NAALADL2: variants seen among roughly 807,000 people sequenced by gnomAD.
NAALADL2 encodes the protein N-acetylated alpha-linked acidic dipeptidase like 2.
Under a neutral mutation model 87.2 loss-of-function variants are expected in NAALADL2, and 76 were observed. The ratio of observed to expected loss-of-function variants is 0.87; its 90% CI spans 0.72 to 1.05. The LOEUF (loss-of-function observed/expected upper bound fraction) is 1.05. Among genes scored for constraint, NAALADL2 ranks in the 50% least tolerant of loss-of-function variants. The probability of loss-of-function intolerance (pLI) is 0.00; values close to 1 mark genes in which losing one functional copy is unlikely to be tolerated. For missense variants in NAALADL2, 1,089 were observed against 945.8 expected (o/e 1.15, Z -1.99); for synonymous variants, 354 against 331.0 (o/e 1.07, Z -0.75).
At chr3:175,609,218 T>C (rs1302239828) in intron 10 of NAALADL2, among the ~76,000 whole-genome samples, 1 of 151,542 alleles carries the variant, frequency 6.6e-6, no homozygotes, top group South Asian at 2.1e-4. Context: ...AGACAGCCAG[T>C]AGGAAAAAAA....
intron 4 of NAALADL2, among the ~76,000 whole-genome samples, chr3:175,283,615 A>G (rs61194791): frequency 0.19 from 28,190 of 152,078 alleles, 3,180 homozygotes; most frequent in Middle Eastern, 0.28. Flanking sequence ...CATGAATTCA[A>G]CATAAAGTTA....
At chr3:175,629,680 A>G (rs946289127) in intron 11 of NAALADL2, among the ~76,000 whole-genome samples, 2 of 151,692 alleles carry the variant, frequency 1.3e-5, no homozygotes, top group African/African-American at 2.4e-5. Context: ...AGGTATAAAC[A>G]TATACTAATT....
intron 5 of NAALADL2, among the ~76,000 whole-genome samples, chr3:175,418,399 T>C (rs1581799380): frequency 6.6e-6 from 1 of 152,286 alleles, no homozygotes; most frequent in East Asian, 1.9e-4. Flanking sequence ...TATTGTTGGA[T>C]TCAATGTAAG....
intron 2 of NAALADL2, among the ~76,000 whole-genome samples, chr3:175,124,801 T>G (rs1432751698): frequency 6.6e-6 from 1 of 151,946 alleles, no homozygotes; most frequent in African/African-American, 2.4e-5. Flanking sequence ...AGATAGCTAT[T>G]TGGTGAGAGT....
intron 9 of NAALADL2, chr3:175,487,404 C>G (rs755770865): frequency 2.4e-6 from 1 of 412,248 alleles, no homozygotes; most frequent in Non-Finnish European, 4.8e-6. Context: ...ATTCCTGAAA[C>G]CTAAATGTGT....
In NAALADL2 at chr3:175,362,299, G is replaced by A. The variant is rs190509685; in HGVS notation, c.1090+37974G>A. On this transcript the variant is annotated intron_variant, in intron 5 of 13. Transcript: ENST00000454872. ...GTTGTATAGTTTGAAGTCAGGTAGCGTGATGCCTCCAGCTTTGTTCTTTTG... is the reference window on the plus strand; with the variant it reads ...GTTGTATAGTTTGAAGTCAGGTAGCATGATGCCTCCAGCTTTGTTCTTTTG... Among the ~76,000 whole-genome samples, 23 of 147,866 alleles carry A rather than the reference G, an allele frequency of 1.6e-4. 1 individual carries two copies. The highest frequency in any genetic ancestry group is 2.4e-4 in the Non-Finnish European group (16 of 66,532).
chr3:175,574,762 A>G (rs1454362068), intron 9 of NAALADL2, among the ~76,000 whole-genome samples: 1 of 152,116 alleles, frequency 6.6e-6, no homozygotes, highest in Non-Finnish European at 1.5e-5. Flanking sequence ...TTTATTTTAT[A>G]TAGATTATAT....
intron 10 of NAALADL2, among the ~76,000 whole-genome samples, chr3:175,589,808 A>C (rs1199523961): frequency 9.9e-4 from 9 of 9,092 alleles, no homozygotes; most frequent in Non-Finnish European, 1.9e-3. Flanking sequence ...AAAAAAAAAC[A>C]AAAAACCAAA....
intron 1 of NAALADL2, among the ~76,000 whole-genome samples, chr3:175,002,741 A>G (rs7652555): frequency 0.034 from 5,197 of 152,296 alleles, 203 homozygotes; most frequent in African/African-American, 0.1. Flanking sequence ...ATCTGATGCA[A>G]GAACATGTCT....
chr3:175,246,485 G>T (rs987478270), intron 3 of NAALADL2, among the ~76,000 whole-genome samples: 2 of 152,144 alleles, frequency 1.3e-5, no homozygotes, highest in African/African-American at 2.4e-5. Flanking sequence ...AAGTCTAAAA[G>T]ACTTCAATGC....
intron 13 of NAALADL2, among the ~76,000 whole-genome samples, chr3:175,788,510 G>C (rs528595289): frequency 9.2e-5 from 14 of 151,972 alleles, no homozygotes; most frequent in Non-Finnish European, 1.8e-4. Flanking sequence ...GTGCAGGTTT[G>C]TACTGTACAG....
At chr3:174,924,314 TG>T (rs1168334634) in intron 1 of NAALADL2, among the ~76,000 whole-genome samples, 1 of 150,592 alleles carries the variant, frequency 6.6e-6, no homozygotes, top group Non-Finnish European at 1.5e-5. Context: ...ATGTGGTGTT[TG>T]GTTTTTTGTC....
chr3:175,392,674 T>C (rs1447231457), intron 5 of NAALADL2, among the ~76,000 whole-genome samples: 1 of 152,126 alleles, frequency 6.6e-6, no homozygotes, highest in Non-Finnish European at 1.5e-5. Flanking sequence ...ACGGTGCACC[T>C]GCACCATCGA....
At chr3:175,660,860 A>G (rs1225048705) in intron 11 of NAALADL2, among the ~76,000 whole-genome samples, 1 of 152,078 alleles carries the variant, frequency 6.6e-6, no homozygotes, top group Non-Finnish European at 1.5e-5. Context: ...TGGCTAAATA[A>G]TATTTCACTG....
At chr3:175,310,657 A>G (rs768412378) in intron 4 of NAALADL2, among the ~76,000 whole-genome samples, 12 of 151,988 alleles carry the variant, frequency 7.9e-5, no homozygotes, top group Non-Finnish European at 1.6e-4. Flanking sequence ...GAAGAGCTCT[A>G]TACTTTTTAT....
chr3:174,935,776 T>C (rs1482011865), intron 1 of NAALADL2, among the ~76,000 whole-genome samples: 1 of 152,184 alleles, frequency 6.6e-6, no homozygotes, highest in Non-Finnish European at 1.5e-5. Context: ...AGTTAGGAGA[T>C]GACATTCTGT....
intron 12 of NAALADL2, among the ~76,000 whole-genome samples, chr3:175,753,515 G>A (rs1746871332): frequency 6.6e-6 from 1 of 151,966 alleles, no homozygotes; most frequent in African/African-American, 2.4e-5. Flanking sequence ...ATGAAGGTGA[G>A]AATAAAAAAT....
chr3:174,657,041 CTTTTTTTTTTT>C (rs60569510), intron 2 of NAALADL2, among the ~76,000 whole-genome samples: 2 of 115,818 alleles, frequency 1.7e-5, no homozygotes, highest in Non-Finnish European at 3.5e-5. Flanking sequence ...TTTCCTTCTT[CTTTTTTTTTTT>C]TTTTTTTTGC....
chr3:174,763,996 G>A (rs544257672), intron 3 of NAALADL2, among the ~76,000 whole-genome samples: 7 of 152,172 alleles, frequency 4.6e-5, no homozygotes, highest in African/African-American at 1.4e-4. Flanking sequence ...AAATCATAGA[G>A]TTTTTAAAGA....
Sources: gnomAD v4.1 joint callset for allele counts (sites outside exome capture counted in the v4.1 genomes callset) on GRCh38, gnomAD v4.1.1 for gene constraint, MANE v1.5 for transcripts, NCBI Gene and HGNC (gene_info 2026-07-23, HGNC 2026-07-21) for gene names.